The following QTGAL variants were observed in gnomAD, a reference collection of about 807,000 sequenced individuals.
QTGAL encodes the protein queuosine-tRNA galactosyltransferase, also known as BGnT-like protein 1.
At chr17:83,000,550 C>G in the QTGAL span, among the ~76,000 whole-genome samples, 58 of 151,748 alleles carry the variant, frequency 3.8e-4, no homozygotes, top group Non-Finnish European at 7.5e-4. Context: ...TAAATTTTAA[C>G]TTTTTATAAT....
chr17:82,961,342 C>T, the QTGAL span: 50 of 988,796 alleles, frequency 5.1e-5, 1 homozygote, highest in South Asian at 3.8e-4. Flanking sequence ...CGTGGGGCGG[C>T]GACCACAACA....
chr17:82,991,456 T>C, the QTGAL span, among the ~76,000 whole-genome samples: 1 of 152,202 alleles, frequency 6.6e-6, no homozygotes, highest in Admixed American at 6.5e-5. Flanking sequence ...CCTGTCGCCA[T>C]CCACGTAAGC....
the QTGAL span, among the ~76,000 whole-genome samples, chr17:82,989,469 C>T: frequency 6.7e-6 from 1 of 149,530 alleles, no homozygotes; most frequent in Non-Finnish European, 1.5e-5. Context: ...AAATGTACCC[C>T]CCATTCTGCA....
At chr17:83,037,393 C>T in the QTGAL span, among the ~76,000 whole-genome samples, 1 of 152,234 alleles carries the variant, frequency 6.6e-6, no homozygotes, top group Non-Finnish European at 1.5e-5. This position sits in a 1 kb window ranked among gnomAD's most constrained non-coding sequence, Gnocchi z 5.2. Flanking sequence ...CCTCTTCATA[C>T]CAGGTAGCAG....
chr17:82,974,893 GGCCGGAGGCCACTTATGGGGA>G, the QTGAL span, among the ~76,000 whole-genome samples: 5 of 152,170 alleles, frequency 3.3e-5, no homozygotes, highest in Admixed American at 6.5e-5. Flanking sequence ...TCCTCCCAGG[GGCCGGAGGCCACTTATGGGGA>G]ACCAGGGCCC....
the QTGAL span, among the ~76,000 whole-genome samples, chr17:82,988,274 T>C: frequency 6.6e-6 from 1 of 152,180 alleles, no homozygotes; most frequent in Non-Finnish European, 1.5e-5. Context: ...CCCTGTTTAA[T>C]AAATGGTGCA....
chr17:83,041,555 C>A, the QTGAL span, among the ~76,000 whole-genome samples: 1 of 152,216 alleles, frequency 6.6e-6, no homozygotes, highest in Non-Finnish European at 1.5e-5. Flanking sequence ...TACTTCTCAT[C>A]AGAAACAATG....
chr17:83,028,860 G>A, the QTGAL span, among the ~76,000 whole-genome samples: 4 of 152,108 alleles, frequency 2.6e-5, no homozygotes, highest in African/African-American at 4.8e-5. Context: ...CTACAGCATC[G>A]AAACAATCTC....
chr17:82,954,282 C>G, the QTGAL span, among the ~76,000 whole-genome samples: 1 of 152,144 alleles, frequency 6.6e-6, no homozygotes, highest in African/African-American at 2.4e-5. Flanking sequence ...AGCTGATAAG[C>G]AACTTCAGCA....
chr17:82,992,457 T>C, the QTGAL span, among the ~76,000 whole-genome samples: 1 of 152,202 alleles, frequency 6.6e-6, no homozygotes, highest in African/African-American at 2.4e-5. Flanking sequence ...TAGAATAGTA[T>C]ATCCAATGAA....
At chr17:82,994,477 C>G in the QTGAL span, among the ~76,000 whole-genome samples, 1 of 152,068 alleles carries the variant, frequency 6.6e-6, no homozygotes, top group Non-Finnish European at 1.5e-5. Context: ...TAGACACATA[C>G]AGCCTACCAA....
At chr17:83,028,273 C>A in the QTGAL span, among the ~76,000 whole-genome samples, 1 of 151,208 alleles carries the variant, frequency 6.6e-6, no homozygotes, top group Non-Finnish European at 1.5e-5. Context: ...ACCTGTAATC[C>A]CAGCACTTTG....
the QTGAL span, among the ~76,000 whole-genome samples, chr17:83,030,395 C>G: frequency 6.6e-6 from 1 of 152,132 alleles, no homozygotes; most frequent in Non-Finnish European, 1.5e-5. Context: ...AAGGGATTAG[C>G]GGAGAAGGAG....
At chr17:83,047,768 A>C in the QTGAL span, among the ~76,000 whole-genome samples, 1 of 148,662 alleles carries the variant, frequency 6.7e-6, no homozygotes. Context: ...CCAAAGAATA[A>C]GAAATTTAGG....
the QTGAL span, among the ~76,000 whole-genome samples, chr17:82,991,961 CAGA>C: frequency 6.6e-6 from 1 of 151,896 alleles, no homozygotes. Flanking sequence ...ATTGATCAAG[CAGA>C]AGAATTAGTG....
chr17:83,049,068 A>C, the QTGAL span: 1 of 349,964 alleles, frequency 2.9e-6, no homozygotes, highest in Non-Finnish European at 5.3e-6. Flanking sequence ...CCTGGCTAAC[A>C]TGGTGAAACC....
chr17:83,012,235 C>T, the QTGAL span, among the ~76,000 whole-genome samples: 4 of 97,964 alleles, frequency 4.1e-5, no homozygotes, highest in Non-Finnish European at 8.2e-5. Context: ...ACGAACTCCT[C>T]GTATCCATAA....
At chr17:82,942,908 CAG>C in the QTGAL span, 1 of 209,472 alleles carries the variant, frequency 4.8e-6, no homozygotes, top group Non-Finnish European at 9.5e-6. Context: ...AATGTTAAAT[CAG>C]AGGTTCAAAT....
the QTGAL span, among the ~76,000 whole-genome samples, chr17:82,970,654 C>T: frequency 3.6e-5 from 5 of 138,216 alleles, 1 homozygote; most frequent in African/African-American, 5.6e-5. Context: ...CCGGTGTGGC[C>T]GCGACCTCCG....
Sources: gnomAD v4.1 joint callset for allele counts (sites outside exome capture counted in the v4.1 genomes callset) on GRCh38, gnomAD v4.1.1 for gene constraint, Gnocchi (gnomAD v3.1) non-coding constraint, MANE v1.5 for transcripts, NCBI Gene and HGNC (gene_info 2026-07-23, HGNC 2026-07-21) for gene names.